Variants in SOD2 observed in about 807,000 individuals in gnomAD.
The protein encoded by SOD2 is superoxide dismutase 2, also known as superoxide dismutase [Mn], mitochondrial.
A neutral mutation model predicts 27.0 loss-of-function variants in SOD2; 11 were observed. That is an observed-to-expected ratio of 0.41 (90% CI 0.26 to 0.67). The LOEUF (loss-of-function observed/expected upper bound fraction) is 0.67. SOD2 is among the 30% of genes least tolerant of loss of function. The pLI is 0.34. For synonymous variants in SOD2, 105 were observed against 103.0 expected, an observed-to-expected ratio of 1.02 and a Z score of -0.12; for missense variants, 250 against 274.5, an observed-to-expected ratio of 0.91 and a Z score of 0.63.
In SOD2 at chr6:159,754,778, C is replaced by T. The variant is rs1397638489; in HGVS notation, c.-335-6102G>A. Among the ~76,000 whole-genome samples the T allele has an allele frequency of 2.6e-5, 4 of 152,054 alleles. No individual in the cohort carries two copies. The East Asian group carries it at 7.7e-4, about 29-fold the overall frequency. ...TTTTTCTTCCTTGAATATTTTCCTT[C>T]TACAGTTGCTTGAATTCATTGTTGC... On this transcript the variant is annotated intron_variant, in intron 1 of 7. Coordinates refer to the SOD2 transcript ENST00000546087.
At position 159,753,641 on chromosome 6, in the gene SOD2, G is replaced by A. The variant is rs372018834; in HGVS notation, c.-335-4965C>T. ...TAAGGGGTTTGTTTCTTTTTGGAAC[G>A]TTGTCTCAACTTTGCATTGGCTTTT... On this transcript the variant is annotated intron_variant, in intron 1 of 7. Coordinates refer to the SOD2 transcript ENST00000546087. The A allele has an allele frequency of 1.1e-5, 17 of 1,582,986 alleles. No individual in the cohort carries two copies. In the African/African-American group the frequency reaches 1.4e-4, roughly 13 times the overall value.
At chr6:159,735,718 C>T (rs1356642620) in intron 1 of SOD2, among the ~76,000 whole-genome samples, 2 of 152,002 alleles carry the variant, frequency 1.3e-5, no homozygotes, top group Non-Finnish European at 2.9e-5. Flanking sequence ...CACTGCACTC[C>T]ATCCTGGGCG....
rs769207682 is a variant in SOD2 at position 159,692,630 on chromosome 6, A to T, written c.226+31T>A. ...CTCCCTGGGGTCGCCTCTGCCGGGG[A>T]CTGCCTCCCGCCGCTCAGCCTGGAA... On this transcript the variant is annotated intron_variant, in intron 2 of 4. Transcript: ENST00000538183. The T allele has an allele frequency of 1.1e-5, 17 of 1,609,460 alleles. No homozygotes were observed. In the South Asian group the frequency reaches 1.9e-4, roughly 18 times the overall value.
intron 1 of SOD2, chr6:159,726,992 G>C: frequency 1.6e-6 from 2 of 1,273,872 alleles, no homozygotes; most frequent in Non-Finnish European, 2.0e-6. Flanking sequence ...CGCCGCCTTC[G>C]CCCAGATCCC....
intron 1 of SOD2, among the ~76,000 whole-genome samples, chr6:159,721,135 T>G (rs1177803859): frequency 6.6e-6 from 1 of 151,764 alleles, no homozygotes; most frequent in Non-Finnish European, 1.5e-5. Context: ...TGGCACAATC[T>G]CAGCTCGCTG....
chr6:159,682,695 T>C (rs1248942354), intron 4 of SOD2, 57 bp from the exon 5 acceptor site: 3 of 1,504,932 alleles, frequency 2.0e-6, no homozygotes, highest in Admixed American at 2.3e-5. Flanking sequence ...AAACATTGCA[T>C]CTTCTCAATT....
chr6:159,755,536 T>C (rs765069337), intron 1 of SOD2: 1 of 1,614,124 alleles, frequency 6.2e-7, no homozygotes, highest in Non-Finnish European at 8.5e-7. Context: ...GTGGGAAAGG[T>C]AATCGAACTG....
intron 1 of SOD2, among the ~76,000 whole-genome samples, chr6:159,716,997 CATTCTG>C (rs1252754142): frequency 6.6e-6 from 1 of 152,216 alleles, no homozygotes; most frequent in Non-Finnish European, 1.5e-5. Flanking sequence ...AATGCCTAGT[CATTCTG>C]GCATGCTAAA....
In SOD2 at chr6:159,675,407, C is replaced by T. The variant is rs200429223; in HGVS notation, c.*7086G>A. On this transcript the variant is annotated 3_prime_UTR_variant, in exon 5 of 5. Coordinates refer to ENST00000538183, the MANE Select transcript of SOD2 (RefSeq NM_000636.4). The stretch of plus-strand genomic sequence containing the variant: ...ACTAGTACCAAAACAGAGATATAGA[C>T]CAATGGAACAGAACAGAGCCCTCAG... The T allele has an allele frequency of 3.3e-5, 5 of 152,220 alleles. No individual in the cohort carries two copies. The East Asian group carries it at 7.7e-4, about 23-fold the overall frequency. 9.4% of individuals were successfully genotyped at this position (152,220 alleles called of 1,614,324 possible). A position where few individuals can be genotyped will look rare whatever the true frequency, so the allele number is the denominator to read the frequency against.
At position 159,670,477 on chromosome 6, in the gene SOD2, G is replaced by C. The variant is rs571757631; in HGVS notation, c.*12016C>G. 37 of 152,324 alleles carry C rather than the reference G, an allele frequency of 2.4e-4. No individual in the cohort carries two copies. The highest frequency in any genetic ancestry group is 1.9e-3 in the Admixed American group (29 of 15,298). 9.4% of individuals were successfully genotyped at this position (152,324 alleles called of 1,614,324 possible). A position where few individuals can be genotyped will look rare whatever the true frequency, so the allele number is the denominator to read the frequency against. On this transcript the variant is annotated 3_prime_UTR_variant, in exon 5 of 5. Coordinates refer to ENST00000538183, the MANE Select transcript of SOD2 (RefSeq NM_000636.4). Reference sequence around the variant, plus strand: ...CACTACCAGCAAGTATACCCTACTGGTTGGAGAACTTTGTTTAAAGGATAT... The same window carrying C: ...CACTACCAGCAAGTATACCCTACTGCTTGGAGAACTTTGTTTAAAGGATAT...
chr6:159,697,496 G>C (rs940181390), upstream of SOD2, among the ~76,000 whole-genome samples: 2 of 152,014 alleles, frequency 1.3e-5, no homozygotes, highest in Admixed American at 6.6e-5. Flanking sequence ...TCCCCACTTC[G>C]GGCAAAATTA....
chr6:159,761,468 C>A (rs534284224), exon 1 of SOD2: 14 of 452,586 alleles, frequency 3.1e-5, no homozygotes, highest in African/African-American at 2.2e-4. Flanking sequence ...GGGCTCGCAC[C>A]GAGACGCTCC....
At chr6:159,710,467 AGAC>A (rs1269671278) in intron 1 of SOD2, among the ~76,000 whole-genome samples, 1 of 151,982 alleles carries the variant, frequency 6.6e-6, no homozygotes, top group African/African-American at 2.4e-5. Context: ...GGAAAAAGAA[AGAC>A]GACAGAGAAG....
intron 2 of SOD2, among the ~76,000 whole-genome samples, chr6:159,689,301 C>T (rs1780340684): frequency 6.6e-6 from 1 of 152,212 alleles, no homozygotes; most frequent in South Asian, 2.1e-4. Flanking sequence ...GAAACATCAA[C>T]CCCATCAGTG....
intron 1 of SOD2, 81 bp from the exon 2 acceptor site, chr6:159,692,944 C>A: frequency 7.2e-7 from 1 of 1,385,384 alleles, no homozygotes; most frequent in Non-Finnish European, 9.5e-7. Flanking sequence ...AACGGCAGCG[C>A]GCGGCGTCCC....
intron 4 of SOD2, among the ~76,000 whole-genome samples, chr6:159,683,194 A>C (rs1041676243): frequency 1.3e-5 from 2 of 152,238 alleles, no homozygotes; most frequent in Non-Finnish European, 2.9e-5. Context: ...CATTTAAAAA[A>C]ACTTTTGGTC....
chr6:159,733,904 G>A (rs1329776937), intron 1 of SOD2, among the ~76,000 whole-genome samples: 1 of 152,034 alleles, frequency 6.6e-6, no homozygotes, highest in Admixed American at 6.5e-5. Flanking sequence ...CAACAAGAGC[G>A]AAACTCCATC....
chr6:159,747,092 A>G (rs1779620112), upstream of SOD2, among the ~76,000 whole-genome samples: 1 of 152,230 alleles, frequency 6.6e-6, no homozygotes, highest in East Asian at 1.9e-4. Flanking sequence ...TGTTCCTTTT[A>G]CTAAATTTAT....
At chr6:159,703,708 A>T (rs1004180559) in intron 1 of SOD2, among the ~76,000 whole-genome samples, 1 of 152,226 alleles carries the variant, frequency 6.6e-6, no homozygotes, top group Non-Finnish European at 1.5e-5. Flanking sequence ...TGAGCATCCA[A>T]ACTTTTCAAT....
Sources: allele counts gnomAD v4.1 joint callset (sites outside exome capture counted in the v4.1 genomes callset), GRCh38; gene constraint gnomAD v4.1.1; transcripts MANE v1.5; gene names NCBI Gene and HGNC (gene_info 2026-07-23, HGNC 2026-07-21).